BLTP3A: variants seen among roughly 807,000 people sequenced by gnomAD.
BLTP3A encodes bridge-like lipid transfer protein family member 3A, also known as ICBP90 binding protein 1.
chr6:34,834,625 G>T, the BLTP3A span: 1 of 1,485,910 alleles, frequency 6.7e-7, no homozygotes. Flanking sequence ...GAGAGTGCTG[G>T]GAGTCTCTGC....
chr6:34,821,717 A>G, the BLTP3A span: 1 of 1,614,158 alleles, frequency 6.2e-7, no homozygotes, highest in Non-Finnish European at 8.5e-7. Context: ...GGGTCAGCTG[A>G]CCAACCTGGA....
the BLTP3A span, chr6:34,875,861 A>G: frequency 1.3e-5 from 2 of 152,602 alleles, no homozygotes; most frequent in Non-Finnish European, 2.9e-5. Context: ...AAAAAGTAGC[A>G]GTGTCAGCCC....
the BLTP3A span, chr6:34,867,399 T>C: frequency 1.2e-6 from 2 of 1,613,772 alleles, no homozygotes; most frequent in Non-Finnish European, 8.5e-7. Flanking sequence ...TCTACTTTCT[T>C]CTCTGCAGAG....
the BLTP3A span, among the ~76,000 whole-genome samples, chr6:34,792,577 C>T: frequency 6.6e-6 from 1 of 152,170 alleles, no homozygotes; most frequent in South Asian, 2.1e-4. Context: ...TTTTCTTTCC[C>T]CTCAAGGCCC....
the BLTP3A span, chr6:34,835,356 G>A: frequency 6.7e-4 from 1,074 of 1,614,036 alleles, 2 homozygotes; most frequent in Non-Finnish European, 8.5e-4. Flanking sequence ...TGCTCTGGGT[G>A]CTGACTGACT....
At chr6:34,855,499 C>G in the BLTP3A span, 3 of 1,175,524 alleles carry the variant, frequency 2.6e-6, no homozygotes, top group African/African-American at 3.0e-5. Context: ...CTTTTGGCTG[C>G]ACCGTGTTAT....
At chr6:34,852,059 G>A in the BLTP3A span, among the ~76,000 whole-genome samples, 8 of 151,552 alleles carry the variant, frequency 5.3e-5, no homozygotes, top group Admixed American at 1.3e-4. Context: ...CAGAGATGTC[G>A]TCTAGGAGCT....
the BLTP3A span, chr6:34,877,328 T>C: frequency 6.6e-6 from 1 of 152,648 alleles, no homozygotes; most frequent in African/African-American, 2.4e-5. Flanking sequence ...GCCTTATTAC[T>C]GCTAATCACT....
the BLTP3A span, among the ~76,000 whole-genome samples, chr6:34,803,395 AT>A: frequency 6.6e-6 from 1 of 151,954 alleles, no homozygotes; most frequent in African/African-American, 2.4e-5. Context: ...CTCTCTTCTC[AT>A]GCCCCCAGTT....
chr6:34,860,182 G>A, the BLTP3A span, among the ~76,000 whole-genome samples: 51 of 152,186 alleles, frequency 3.4e-4, no homozygotes, highest in Admixed American at 3.3e-3. Flanking sequence ...GTCTGTCAGA[G>A]TAATAGAGAA....
the BLTP3A span, among the ~76,000 whole-genome samples, chr6:34,841,162 T>C: frequency 6.6e-6 from 1 of 151,182 alleles, no homozygotes; most frequent in Non-Finnish European, 1.5e-5. Flanking sequence ...AATTTTATTA[T>C]TTTTTTTGAT....
the BLTP3A span, among the ~76,000 whole-genome samples, chr6:34,862,856 A>G: frequency 6.7e-6 from 1 of 150,374 alleles, no homozygotes; most frequent in Non-Finnish European, 1.5e-5. Flanking sequence ...AACCAAAAAC[A>G]TAGTTTTCTG....
At chr6:34,841,376 A>G in the BLTP3A span, among the ~76,000 whole-genome samples, 6 of 152,190 alleles carry the variant, frequency 3.9e-5, no homozygotes, top group African/African-American at 1.4e-4. Context: ...GCCCCAGTCT[A>G]TATTTCTATT....
the BLTP3A span, chr6:34,821,484 A>G: frequency 1.6e-6 from 1 of 637,094 alleles, no homozygotes; most frequent in Non-Finnish European, 2.7e-6. Context: ...ATTGATCACA[A>G]CCCCAGTTAC....
At chr6:34,821,824 G>A in the BLTP3A span, 30 of 1,613,980 alleles carry the variant, frequency 1.9e-5, no homozygotes, top group Middle Eastern at 1.6e-4. Flanking sequence ...GGGTGAGAAT[G>A]AGGGTCAGAA....
the BLTP3A span, among the ~76,000 whole-genome samples, chr6:34,838,568 T>C: frequency 6.6e-6 from 1 of 152,252 alleles, no homozygotes; most frequent in Non-Finnish European, 1.5e-5. Context: ...GTTAGAGTTA[T>C]TGTGTGGCTA....
the BLTP3A span, chr6:34,857,042 G>A: frequency 1.7e-5 from 23 of 1,345,636 alleles, no homozygotes; most frequent in Non-Finnish European, 2.3e-5. Context: ...TCACTTCTGG[G>A]AAGATTAATA....
the BLTP3A span, chr6:34,821,514 C>T: frequency 1.2e-6 from 1 of 803,224 alleles, no homozygotes; most frequent in South Asian, 1.9e-5. Flanking sequence ...TGTTCCTTCA[C>T]TCCCACTGCT....
At chr6:34,859,034 C>G in the BLTP3A span, 2 of 1,614,190 alleles carry the variant, frequency 1.2e-6, no homozygotes, top group Non-Finnish European at 1.7e-6. Context: ...GCTGTCGATG[C>G]TGACTCTGCA....
Sources: gnomAD v4.1 joint callset for allele counts (sites outside exome capture counted in the v4.1 genomes callset) on GRCh38, gnomAD v4.1.1 for gene constraint, MANE v1.5 for transcripts, NCBI Gene and HGNC (gene_info 2026-07-23, HGNC 2026-07-21) for gene names.